The following MPV17L variants were observed in gnomAD, a reference collection of about 807,000 sequenced individuals.
MPV17L encodes the protein mpv17-like protein.
In MPV17L, 24 loss-of-function variants were observed where a neutral mutation model predicts 25.8. The observed-to-expected ratio is 0.93, with a 90% CI of 0.67 to 1.31. MPV17L has a LOEUF of 1.31. MPV17L is among the 50% of genes most tolerant of loss of function. The probability of loss-of-function intolerance (pLI) is 0.00; values close to 1 mark genes in which losing one functional copy is unlikely to be tolerated. For missense variants in MPV17L, 250 were observed against 265.6 expected, an observed-to-expected ratio of 0.94 and a Z score of 0.41; for synonymous variants, 102 against 115.3, an observed-to-expected ratio of 0.88 and a Z score of 0.74.
At chr16:15,399,918 C>T (rs1321374905) in intron 1 of MPV17L, among the ~76,000 whole-genome samples, 1 of 152,084 alleles carries the variant, frequency 6.6e-6, no homozygotes, top group Non-Finnish European at 1.5e-5. Flanking sequence ...GATCCTTCTG[C>T]CTCAGCCTCT....
At chr16:15,406,112 C>G (rs1406354871) in intron 2 of MPV17L, among the ~76,000 whole-genome samples, 1 of 151,850 alleles carries the variant, frequency 6.6e-6, no homozygotes, top group Non-Finnish European at 1.5e-5. Flanking sequence ...CACTTGAACC[C>G]AGGAGGTGGA....
chr16:15,406,212 A>C (rs2050679248), intron 2 of MPV17L, among the ~76,000 whole-genome samples: 1 of 151,762 alleles, frequency 6.6e-6, no homozygotes, highest in African/African-American at 2.4e-5. Flanking sequence ...ATATACATAC[A>C]CATATACGTA....
At position 15,400,803 on chromosome 16, in the gene MPV17L, A is replaced by C; in HGVS notation, c.327A>C (p.Gln109His). 6.2e-7 allele frequency: 1 copy of C among 1,605,304 alleles called. No individual in the cohort carries two copies. Among genetic ancestry groups the C allele is most frequent in the Non-Finnish European group, 8.5e-7 (1 of 1,176,048 alleles). ...SAFYVGMSIL[Q>H]GKDDIFLDLK... ...TGCAAATAGGTATGAGCATTCTCCA[A>C]GGAAAGGATGACATATTTTTGGACC... The change falls in exon 2 of 4, where the codon CAA (glutamine) becomes CAC (histidine). Residue 109 changes from glutamine (Q) to histidine (H), a missense_variant. By Grantham distance (24) the Gln-to-His change is conservative. Transcript: ENST00000396385.
chr16:15,401,077 TA>T (rs1567431183), intron 2 of MPV17L, among the ~76,000 whole-genome samples: 831 of 46,426 alleles, frequency 0.018, 8 homozygotes, highest in East Asian at 0.081. Context: ...TATATATATA[TA>T]TATATATATT....
In MPV17L at chr16:15,398,052, T is replaced by G. The variant is rs150727419; in HGVS notation, c.310+1845T>G. Among the ~76,000 whole-genome samples the G allele has an allele frequency of 7.9e-3, 1,189 of 151,274 alleles. 16 individuals carry two copies. Among genetic ancestry groups the G allele is most frequent in the African/African-American group, 0.027 (1,135 of 41,364 alleles). ...AGTGAGATTGTTCTCTTTTTCTTCTTTTTTTTTTGAGACAGAGTCTCGCTT... is the reference window on the plus strand; with the variant it reads ...AGTGAGATTGTTCTCTTTTTCTTCTGTTTTTTTTGAGACAGAGTCTCGCTT... On this transcript the variant is annotated intron_variant, in intron 1 of 3. Transcript: ENST00000396385.
chr16:15,403,830 C>A (rs1360565138), intron 2 of MPV17L, among the ~76,000 whole-genome samples: 1 of 151,886 alleles, frequency 6.6e-6, no homozygotes, highest in Non-Finnish European at 1.5e-5. Context: ...AGAAAGAGGG[C>A]AAACCAGTAG....
At chr16:15,401,427 GA>G (rs889611813) in intron 2 of MPV17L, among the ~76,000 whole-genome samples, 1 of 152,088 alleles carries the variant, frequency 6.6e-6, no homozygotes, top group African/African-American at 2.4e-5. Flanking sequence ...TTGGTTGACA[GA>G]AGGGTCCAAT....
chr16:15,399,286 A>G (rs1411826506), intron 1 of MPV17L: 5 of 385,592 alleles, frequency 1.3e-5, no homozygotes. Flanking sequence ...TTAACTAATA[A>G]AGCTCTTATA....
intron 1 of MPV17L, among the ~76,000 whole-genome samples, chr16:15,399,041 C>T (rs902536916): frequency 6.7e-6 from 1 of 149,018 alleles, no homozygotes; most frequent in Non-Finnish European, 1.5e-5. Flanking sequence ...CTTGGGGAAC[C>T]AGAGTCGTAA....
At chr16:15,397,026 T>C (rs1474897447) in intron 1 of MPV17L, among the ~76,000 whole-genome samples, 1 of 152,130 alleles carries the variant, frequency 6.6e-6, no homozygotes, top group Non-Finnish European at 1.5e-5. Context: ...CCGGGGTTCA[T>C]TCCCTTAACG....
In MPV17L at chr16:15,411,333, T is replaced by G. The variant is rs1257874551; in HGVS notation, c.*3221T>G. ...TGGTATCACTTTTATGATAGAAGAA[T>G]AGTGTTTGCATTTTGTATAAAAGTA... is the stretch of plus-strand genomic sequence containing the variant. On this transcript the variant is annotated 3_prime_UTR_variant, in exon 4 of 4. Transcript: ENST00000396385. 1 of 152,188 alleles carries G rather than the reference T, an allele frequency of 6.6e-6. No homozygotes were observed. The highest frequency in any genetic ancestry group is 1.5e-5 in the Non-Finnish European group (1 of 68,044). 9.4% of individuals were successfully genotyped at this position (152,188 alleles called of 1,614,324 possible).
At position 15,409,493 on chromosome 16, in the gene MPV17L, G is replaced by T. The variant is rs1189133263; in HGVS notation, c.*1381G>T. On this transcript the variant is annotated 3_prime_UTR_variant, in exon 4 of 4. Coordinates refer to ENST00000396385, the MANE Select transcript of MPV17L (RefSeq NM_001128423.2). ...TTGTAATCCTCCCACCCTTAAGAAG[G>T]TTCTTTTTAATTCTCCCCACCCTTG... 6.6e-6 allele frequency: 1 copy of T among 152,088 alleles called. No homozygotes were observed. The highest frequency in any genetic ancestry group is 1.5e-5 in the Non-Finnish European group (1 of 68,038). The allele number at this position is 152,088 out of a possible 1,614,324, so 9.4% of individuals were successfully genotyped here.
rs1439741640 is a variant in MPV17L, at chr16:15,400,793, G to T, written c.317G>T (p.Ser106Ile). The change falls in exon 2 of 4, where the codon AGC (serine) becomes ATC (isoleucine). Residue 106 changes from serine to isoleucine, a missense_variant. By Grantham distance (142) the Ser-to-Ile change is moderately radical (BLOSUM62 -2). Coordinates refer to ENST00000396385, the MANE Select transcript of MPV17L (RefSeq NM_001128423.2). ...IAVSAFYVGMSILQGKDDIFL... is the reference protein window; with the variant it reads ...IAVSAFYVGMIILQGKDDIFL... ...TTTTGGGTTTTGCAAATAGGTATGA[G>T]CATTCTCCAAGGAAAGGATGACATA... 2 of 1,603,018 alleles carry T rather than the reference G, an allele frequency of 1.2e-6. No homozygotes were observed. The highest frequency in any genetic ancestry group is 8.5e-7 in the Non-Finnish European group (1 of 1,174,904).
intron 1 of MPV17L, 107 bp downstream of exon 1, chr16:15,396,314 G>A (rs1276995595): frequency 7.2e-7 from 1 of 1,388,158 alleles, no homozygotes; most frequent in Non-Finnish European, 9.6e-7. Flanking sequence ...GGAGCCTGGG[G>A]ACCCGGGCAG....
At chr16:15,402,126 G>GGTTTCCAAGGGT (rs2050644207) in intron 2 of MPV17L, among the ~76,000 whole-genome samples, 2 of 152,112 alleles carry the variant, frequency 1.3e-5, no homozygotes, top group Non-Finnish European at 2.9e-5. Flanking sequence ...AGAAGGAGAA[G>GGTTTCCAAGGGT]GTTTCCAAGG....
Position 15,412,737 on chromosome 16 carries a change from T to TA in MPV17L, c.*4627dup, listed in dbSNP as rs1185109962. The stretch of plus-strand genomic sequence containing the variant: ...AAAGGCGCCCGCCACCATGACCCAC[T>TA]AATTTTTTTTTTTTTTGGATTTTTA... On this transcript the variant is annotated 3_prime_UTR_variant, in exon 4 of 4. Coordinates refer to ENST00000396385, the MANE Select transcript of MPV17L (RefSeq NM_001128423.2). 12 of 93,964 alleles carry TA rather than the reference T, an allele frequency of 1.3e-4. No individual in the cohort carries two copies. Among genetic ancestry groups the TA allele is most frequent in the Non-Finnish European group, 1.3e-4 (5 of 37,694 alleles). 5.8% of individuals were successfully genotyped at this position (93,964 alleles called of 1,614,324 possible).
chr16:15,400,394 A>G (rs2050623118), intron 1 of MPV17L, among the ~76,000 whole-genome samples: 1 of 137,004 alleles, frequency 7.3e-6, no homozygotes, highest in Admixed American at 8.1e-5. Flanking sequence ...TGTGTTGCCC[A>G]GGCTGGAGTG....
chr16:15,400,316 T>A (rs1254087001), intron 1 of MPV17L, among the ~76,000 whole-genome samples: 2 of 151,980 alleles, frequency 1.3e-5, no homozygotes, highest in African/African-American at 2.4e-5. Context: ...CTTTAAAATT[T>A]ATCTAGTTTT....
intron 1 of MPV17L, among the ~76,000 whole-genome samples, 159 bp from the exon 2 acceptor site, chr16:15,400,628 G>A (rs549946301): frequency 1.3e-5 from 2 of 152,078 alleles, no homozygotes; most frequent in South Asian, 2.1e-4. Context: ...CTTGAGCCAC[G>A]GCGCCTGTCT....
Sources: gnomAD v4.1 joint callset for allele counts (sites outside exome capture counted in the v4.1 genomes callset) on GRCh38, gnomAD v4.1.1 for gene constraint, MANE v1.5 for transcripts, NCBI Gene and HGNC (gene_info 2026-07-23, HGNC 2026-07-21) for gene names.